The following PKHD1 variants were observed in gnomAD, a reference collection of about 807,000 sequenced individuals.
The protein encoded by PKHD1 is fibrocystin.
In PKHD1, 291 loss-of-function variants were observed where a neutral mutation model predicts 412.0. That is an observed-to-expected ratio of 0.71 (90% CI 0.64 to 0.78). The LOEUF is 0.78. Ranked by LOEUF, PKHD1 falls within the 30% of genes least tolerant of loss-of-function variation. The pLI is 0.00. For synonymous variants in PKHD1, 1,777 were observed against 1,821.5 expected (o/e 0.98, Z 0.62); for missense variants, 4,825 against 4,950.7 (o/e 0.97, Z 0.76).
At chr6:51,731,901 A>G (rs1434323762) in intron 60 of PKHD1, among the ~76,000 whole-genome samples, 2 of 152,196 alleles carry the variant, frequency 1.3e-5, no homozygotes, top group Non-Finnish European at 2.9e-5. Flanking sequence ...GAAAATGTTT[A>G]GGTATATTTT....
intron 36 of PKHD1, among the ~76,000 whole-genome samples, chr6:51,955,451 T>A (rs1158822389): frequency 6.6e-6 from 1 of 151,992 alleles, no homozygotes; most frequent in African/African-American, 2.4e-5. Flanking sequence ...TTCTACTATA[T>A]AAGTAATATG....
intron 4 of PKHD1, among the ~76,000 whole-genome samples, chr6:52,081,539 G>A (rs1213249824): frequency 4.8e-5 from 7 of 144,956 alleles, no homozygotes; most frequent in Admixed American, 2.2e-4. Context: ...AAGGCTACAC[G>A]TGCTGTACCT....
chr6:51,762,553 T>G (rs984550382), intron 55 of PKHD1, among the ~76,000 whole-genome samples: 1 of 151,988 alleles, frequency 6.6e-6, no homozygotes. Flanking sequence ...CTTCAAAATA[T>G]CTTGCTAAGC....
chr6:52,043,082 G>A lies in PKHD1; in HGVS notation c.2874C>T (p.Asp958=). 6.2e-7 allele frequency: 1 copy of A among 1,613,230 alleles called. No homozygotes were observed. The highest frequency in any genetic ancestry group is 1.7e-5 in the Admixed American group (1 of 59,994). Residue 958 remains aspartate, a synonymous_variant, in exon 27 of 67, where the codon GAC becomes GAT. Coordinates refer to ENST00000371117, the MANE Select transcript of PKHD1 (RefSeq NM_138694.4). ...IYITGTGFSG[D]SQFLQVTVNK... ...TCACTGTAACCTGCAAGAACTGGGA[G>A]TCACCAGAGAAACCAGTTCCGGTAA...
At chr6:51,869,870 G>A (rs552236305) in intron 47 of PKHD1, among the ~76,000 whole-genome samples, 77 of 152,058 alleles carry the variant, frequency 5.1e-4, no homozygotes, top group African/African-American at 1.7e-3. Context: ...CAAACCACAA[G>A]AGCATATTTA....
At chr6:51,621,039 C>A (rs1031759209) in intron 66 of PKHD1, among the ~76,000 whole-genome samples, 4 of 152,034 alleles carry the variant, frequency 2.6e-5, no homozygotes, top group South Asian at 2.1e-4. Context: ...TCCTAAGGAA[C>A]CTGCAGCTCC....
At chr6:52,010,496 A>G in intron 34 of PKHD1, 37 bp from the exon 35 acceptor site, 8 of 1,450,216 alleles carry the variant, frequency 5.5e-6, no homozygotes, top group South Asian at 1.1e-5. Flanking sequence ...GGTGTCATCA[A>G]TCTTAATGAA....
intron 37 of PKHD1, among the ~76,000 whole-genome samples, chr6:51,926,716 G>A (rs72913660): frequency 0.036 from 5,455 of 152,178 alleles, 140 homozygotes; most frequent in Non-Finnish European, 0.058. Context: ...TTGTTCCAAG[G>A]TTACTCTTGT....
intron 60 of PKHD1, among the ~76,000 whole-genome samples, chr6:51,668,888 G>T (rs899406478): frequency 6.6e-6 from 1 of 152,176 alleles, no homozygotes; most frequent in Non-Finnish European, 1.5e-5. Context: ...GCATCCCAGG[G>T]ATGAAGTCCA....
intron 34 of PKHD1, 85 bp downstream of exon 34, chr6:52,017,325 A>C: frequency 1.0e-6 from 1 of 1,003,818 alleles, no homozygotes. Flanking sequence ...GGCCACATCC[A>C]CCCAGCCTAC....
At chr6:51,674,684 G>A (rs987136083) in intron 60 of PKHD1, among the ~76,000 whole-genome samples, 2 of 152,166 alleles carry the variant, frequency 1.3e-5, no homozygotes, top group African/African-American at 4.8e-5. Context: ...GGTTCAGGGT[G>A]ATGATTTATC....
intron 60 of PKHD1, among the ~76,000 whole-genome samples, chr6:51,711,723 A>G (rs534601529): frequency 1.2e-4 from 18 of 152,360 alleles, no homozygotes; most frequent in African/African-American, 4.3e-4. Flanking sequence ...CTATCCTATC[A>G]TAACATTTGA....
At chr6:51,943,434 T>C (rs549790036) in intron 36 of PKHD1, among the ~76,000 whole-genome samples, 1 of 151,282 alleles carries the variant, frequency 6.6e-6, no homozygotes, top group South Asian at 2.1e-4. Flanking sequence ...ATCTTCTGTC[T>C]AGTCATACTC....
chr6:51,976,049 G>T (rs1794399506), intron 35 of PKHD1: 1 of 149,896 alleles, frequency 6.7e-6, no homozygotes, highest in Non-Finnish European at 1.5e-5. Flanking sequence ...CTTGTGTATT[G>T]CTGGTAGAAA....
At chr6:51,918,463 T>G (rs1239776381) in intron 37 of PKHD1, among the ~76,000 whole-genome samples, 1 of 152,118 alleles carries the variant, frequency 6.6e-6, no homozygotes, top group Non-Finnish European at 1.5e-5. Context: ...TTCTGTCTTG[T>G]GTTAGTTTGC....
chr6:51,668,755 A>G (rs1201505003), intron 60 of PKHD1, among the ~76,000 whole-genome samples: 3 of 152,066 alleles, frequency 2.0e-5, no homozygotes, highest in African/African-American at 7.2e-5. Context: ...TTTAGCATGA[A>G]GTGTTGTTGA....
chr6:51,698,883 C>A (rs1468277045), intron 60 of PKHD1, among the ~76,000 whole-genome samples: 1 of 152,154 alleles, frequency 6.6e-6, no homozygotes, highest in Non-Finnish European at 1.5e-5. Context: ...AGGCAAATAT[C>A]CTTTTTGATC....
intron 36 of PKHD1, among the ~76,000 whole-genome samples, chr6:51,944,819 T>G (rs927188): frequency 0.7 from 107,133 of 152,120 alleles, 38,212 homozygotes; most frequent in East Asian, 0.94. Context: ...CGGGTGATTA[T>G]ATCTACAACC....
intron 64 of PKHD1, among the ~76,000 whole-genome samples, chr6:51,636,355 T>C (rs551277292): frequency 2.3e-4 from 35 of 152,072 alleles, no homozygotes; most frequent in African/African-American, 8.0e-4. Context: ...CTGGGCAGCA[T>C]AGTAAGATCC....
Sources: gnomAD v4.1 joint callset for allele counts (sites outside exome capture counted in the v4.1 genomes callset) on GRCh38, gnomAD v4.1.1 for gene constraint, MANE v1.5 for transcripts, NCBI Gene and HGNC (gene_info 2026-07-23, HGNC 2026-07-21) for gene names.